KHDC1: variants seen among roughly 807,000 people sequenced by gnomAD.
KHDC1 encodes KH homology domain-containing protein 1.
Under a neutral mutation model 24.7 loss-of-function variants are expected in KHDC1, and 21 were observed. The ratio of observed to expected loss-of-function variants is 0.85; its 90% CI spans 0.60 to 1.23. The LOEUF (loss-of-function observed/expected upper bound fraction) is 1.23, where lower values mean the gene tolerates loss of function less well. Ranked by LOEUF, KHDC1 falls within the 50% of genes most tolerant of loss-of-function variation. The probability of loss-of-function intolerance (pLI) is 0.00; values close to 1 mark genes in which losing one functional copy is unlikely to be tolerated. For missense variants in KHDC1, 274 were observed against 298.5 expected, an observed-to-expected ratio of 0.92 and a Z score of 0.61; for synonymous variants, 98 against 111.7, an observed-to-expected ratio of 0.88 and a Z score of 0.77.
intron 2 of KHDC1, among the ~76,000 whole-genome samples, chr6:73,282,060 A>T (rs1294986267): frequency 1.3e-5 from 2 of 151,626 alleles, no homozygotes; most frequent in African/African-American, 2.4e-5. Flanking sequence ...TCCACTAAAA[A>T]TACAAAAATT....
At chr6:73,289,062 A>G (rs558685772) in intron 2 of KHDC1, among the ~76,000 whole-genome samples, 2 of 152,074 alleles carry the variant, frequency 1.3e-5, no homozygotes, top group Admixed American at 6.5e-5. Context: ...GGTCAGTCAC[A>G]GTGGCTCATG....
At chr6:73,252,040 CTT>C (rs112248383) in intron 2 of KHDC1, among the ~76,000 whole-genome samples, 2 of 132,712 alleles carry the variant, frequency 1.5e-5, no homozygotes, top group African/African-American at 2.8e-5. Flanking sequence ...TAAATCATAT[CTT>C]TTTTTTTTTT....
intron 1 of KHDC1, among the ~76,000 whole-genome samples, chr6:73,298,305 C>T (rs1382900669): frequency 6.6e-6 from 1 of 151,904 alleles, no homozygotes; most frequent in African/African-American, 2.4e-5. Context: ...AGGACAGGCT[C>T]AAGTTTCCCA....
At position 73,292,682 on chromosome 6, in the gene KHDC1, A is replaced by G. The variant is rs1767678592; in HGVS notation, c.164-642T>C. 4 of 751,322 alleles carry G rather than the reference A, an allele frequency of 5.3e-6. No homozygotes were observed. The East Asian group carries it at 7.5e-5, about 14-fold the overall frequency. 46.5% of individuals were successfully genotyped at this position (751,322 alleles called of 1,614,324 possible). A position where few individuals can be genotyped will look rare whatever the true frequency, so the allele number is the denominator to read the frequency against. On this transcript the variant is annotated intron_variant, in intron 1 of 4. Transcript: ENST00000370384. Reference sequence around the variant, plus strand: ...GATCTCTTCCTTTACCAGCCACAGCATCTTAATGTGTCCACACATTCTTCA... The same window carrying G: ...GATCTCTTCCTTTACCAGCCACAGCGTCTTAATGTGTCCACACATTCTTCA...
At chr6:73,274,070 A>C (rs1209687387) in intron 2 of KHDC1, 1 of 152,248 alleles carries the variant, frequency 6.6e-6, no homozygotes, top group African/African-American at 2.4e-5. Flanking sequence ...GAGCCACTGC[A>C]TACCAGCCTG....
chr6:73,243,742 C>G (rs1766616820), intron 2 of KHDC1, among the ~76,000 whole-genome samples: 1 of 152,232 alleles, frequency 6.6e-6, no homozygotes, highest in Non-Finnish European at 1.5e-5. Flanking sequence ...CAAAACTGTT[C>G]TGCCTGAGCA....
intron 1 of KHDC1, among the ~76,000 whole-genome samples, chr6:73,294,423 G>C (rs1225916129): frequency 1.3e-5 from 2 of 151,936 alleles, no homozygotes; most frequent in Non-Finnish European, 2.9e-5. Flanking sequence ...CATATTTGTG[G>C]AATAATTTCT....
At chr6:73,282,300 G>A (rs868233755) in intron 2 of KHDC1, among the ~76,000 whole-genome samples, 2 of 151,796 alleles carry the variant, frequency 1.3e-5, no homozygotes, top group South Asian at 4.2e-4. Context: ...TTTTGAGGAG[G>A]AAGACCATAA....
intron 2 of KHDC1, among the ~76,000 whole-genome samples, chr6:73,284,110 C>T (rs932067489): frequency 2.6e-5 from 4 of 152,150 alleles, no homozygotes; most frequent in Non-Finnish European, 4.4e-5. Flanking sequence ...TAAAACGGAT[C>T]CCCTCCTTGT....
At chr6:73,272,318 C>T (rs1254923152) in intron 2 of KHDC1, among the ~76,000 whole-genome samples, 3 of 151,518 alleles carry the variant, frequency 2.0e-5, no homozygotes, top group East Asian at 2.0e-4. Context: ...CCTGCCACCA[C>T]GTCGGGGTTT....
chr6:73,255,100 T>G (rs1343195786), intron 2 of KHDC1, among the ~76,000 whole-genome samples: 5 of 152,004 alleles, frequency 3.3e-5, no homozygotes, highest in Non-Finnish European at 5.9e-5. Flanking sequence ...TAAAGGCACT[T>G]TTTGAATTTT....
intron 1 of KHDC1, among the ~76,000 whole-genome samples, chr6:73,297,629 G>C (rs955222979): frequency 6.6e-6 from 1 of 152,066 alleles, no homozygotes; most frequent in Non-Finnish European, 1.5e-5. Context: ...CACTAGCCTT[G>C]TTGCTAACAT....
chr6:73,243,177 T>TTC (rs146183156), intron 2 of KHDC1, among the ~76,000 whole-genome samples: 9,425 of 152,136 alleles, frequency 0.062, 907 homozygotes, highest in African/African-American at 0.21. Flanking sequence ...TTGTGGAATG[T>TTC]TCTCTCTCTC....
chr6:73,259,558 C>T (rs1421444098), intron 2 of KHDC1, among the ~76,000 whole-genome samples: 1 of 152,084 alleles, frequency 6.6e-6, no homozygotes, highest in Non-Finnish European at 1.5e-5. Context: ...ATTTTTAGAA[C>T]AAAAATATTC....
intron 1 of KHDC1, chr6:73,299,232 T>C (rs1767817040): frequency 6.6e-6 from 1 of 152,022 alleles, no homozygotes; most frequent in African/African-American, 2.4e-5. Flanking sequence ...GCTCGGGAGA[T>C]AGTTGGTGCT....
chr6:73,304,550 C>A (rs1266387564), intron 1 of KHDC1, among the ~76,000 whole-genome samples: 1 of 152,182 alleles, frequency 6.6e-6, no homozygotes, highest in Non-Finnish European at 1.5e-5. Context: ...ATCTCTCCCA[C>A]CTTGGTCTCC....
chr6:73,276,616 G>A (rs1216455699), intron 2 of KHDC1: 1 of 152,114 alleles, frequency 6.6e-6, no homozygotes, highest in Non-Finnish European at 1.5e-5. Flanking sequence ...GCAGTGAGCA[G>A]TGGTTGCACC....
At position 73,241,781 on chromosome 6, in the gene KHDC1, T is replaced by C. The variant is rs772325727; in HGVS notation, c.515-53A>G. On this transcript the variant is annotated intron_variant, in intron 4 of 4. Coordinates refer to ENST00000370384, the Ensembl canonical transcript of KHDC1. ...AACCAGGGCCCATAACTGGGGCCCA[T>C]TGGCAGGCCTGGACTCCATCAGGGA... The C allele has an allele frequency of 6.3e-6, 10 of 1,580,776 alleles. No homozygotes were observed. In the East Asian group the frequency reaches 6.7e-5, roughly 11 times the overall value.
intron 2 of KHDC1, among the ~76,000 whole-genome samples, chr6:73,249,515 T>G (rs970729812): frequency 2.6e-5 from 4 of 152,138 alleles, no homozygotes; most frequent in African/African-American, 4.8e-5. Context: ...CTTGGTAACC[T>G]CATATTTTAG....
Sources: allele counts gnomAD v4.1 joint callset (sites outside exome capture counted in the v4.1 genomes callset), GRCh38; gene constraint gnomAD v4.1.1; transcripts MANE v1.5; gene names NCBI Gene and HGNC (gene_info 2026-07-23, HGNC 2026-07-21).